Variants in MGRN1 observed in about 807,000 individuals in gnomAD.
MGRN1 encodes the protein mahogunin ring finger 1.
MGRN1 carries 29 observed loss-of-function variants against 69.2 expected under a neutral mutation model. That is an observed-to-expected ratio of 0.42 (90% CI 0.31 to 0.57). The LOEUF (loss-of-function observed/expected upper bound fraction) is 0.57, where lower values mean the gene tolerates loss of function less well. Among genes scored for constraint, MGRN1 ranks in the 20% least tolerant of loss-of-function variants. The probability of loss-of-function intolerance (pLI) is 0.15; values close to 1 mark genes in which losing one functional copy is unlikely to be tolerated. For synonymous variants in MGRN1, 470 were observed against 344.2 expected, an observed-to-expected ratio of 1.37 and a Z score of -4.04; for missense variants, 998 against 796.2, an observed-to-expected ratio of 1.25 and a Z score of -3.05.
At chr16:4,656,403 G>A (rs553072161) in intron 4 of MGRN1, among the ~76,000 whole-genome samples, 15 of 152,348 alleles carry the variant, frequency 9.8e-5, no homozygotes, top group African/African-American at 2.9e-4. Flanking sequence ...CAGTGTTGAC[G>A]CCTACCCCGT....
chr16:4,656,257 T>A lies in MGRN1; in HGVS notation c.444-989T>A, dbSNP rs533089842. 3.3e-5 allele frequency among the ~76,000 whole-genome samples: 5 copies of A among 152,302 alleles called. No individual in the cohort carries two copies. In the East Asian group the frequency reaches 9.7e-4, roughly 29 times the overall value. The stretch of plus-strand genomic sequence containing the variant: ...TGCAGAAGGGCGGTCCTTGAAGCAG[T>A]GTTGGGAAAAGTGAGATGTTGGTGA... On this transcript the variant is annotated intron_variant, in intron 4 of 16. Coordinates refer to ENST00000262370, the MANE Select transcript of MGRN1 (RefSeq NM_015246.4).
chr16:4,656,464 T>C (rs1319928951), intron 4 of MGRN1, among the ~76,000 whole-genome samples: 1 of 152,242 alleles, frequency 6.6e-6, no homozygotes, highest in Non-Finnish European at 1.5e-5. Flanking sequence ...CCATTGTGCC[T>C]CCGCCTTCCG....
intron 16 of MGRN1, chr16:4,687,543 C>T (rs1204095614): frequency 3.1e-6 from 3 of 976,372 alleles, no homozygotes; most frequent in African/African-American, 1.8e-5. Context: ...CACCCACCCA[C>T]TCCAGCCTGA....
intron 1 of MGRN1, among the ~76,000 whole-genome samples, chr16:4,631,582 A>C (rs896579338): frequency 3.3e-5 from 5 of 152,226 alleles, no homozygotes; most frequent in African/African-American, 1.2e-4. Flanking sequence ...GCTTAGACTG[A>C]GAAATCCTGG....
intron 10 of MGRN1, among the ~76,000 whole-genome samples, chr16:4,675,130 G>A (rs1039655060): frequency 2.0e-5 from 3 of 151,932 alleles, no homozygotes; most frequent in Non-Finnish European, 4.4e-5. Flanking sequence ...GTGCCACCAT[G>A]CCCGGCTATT....
chr16:4,686,930 C>T lies in MGRN1; in HGVS notation c.1619-1866C>T, dbSNP rs574400465. On this transcript the variant is annotated intron_variant, in intron 16 of 16. Coordinates refer to ENST00000262370, the MANE Select transcript of MGRN1 (RefSeq NM_015246.4). ...CAGTCCCTGTCTCTTGGAGGGAGTC[C>T]GTCCTCGAGGGGCCCTCTGGTGCCC... 105 of 985,476 alleles carry T rather than the reference C, an allele frequency of 1.1e-4. No individual in the cohort carries two copies. The South Asian group carries it at 1.5e-3, about 14-fold the overall frequency. The allele number at this position is 985,476 out of a possible 1,614,324, so 61.0% of individuals were successfully genotyped here.
At chr16:4,676,732 C>T (rs1186192504) in intron 10 of MGRN1, among the ~76,000 whole-genome samples, 1 of 152,170 alleles carries the variant, frequency 6.6e-6, no homozygotes, top group African/African-American at 2.4e-5. Context: ...TCTACAGCAG[C>T]CTGTGGGGCC....
At position 4,681,684 on chromosome 16, in the gene MGRN1, C is replaced by T. The variant is rs1347770482; in HGVS notation, c.1266C>T (p.Gly422=). ...TCACCTATTCAGGCATCTCGGACGG[C>T]CTGTCCCAGGCCAGCTGTCCCCTCG... ...EEITYSGISD[G]LSQASCPLAA... The change falls in exon 13 of 17, where the codon GGC becomes GGT. Residue 422 remains glycine (G), a synonymous_variant. Coordinates refer to ENST00000262370, the MANE Select transcript of MGRN1 (RefSeq NM_015246.4). The T allele has an allele frequency of 1.2e-6, 2 of 1,613,336 alleles. No individual in the cohort carries two copies. The highest frequency in any genetic ancestry group is 2.7e-5 in the African/African-American group (2 of 74,958).
rs953672901 is a variant in MGRN1, at chr16:4,687,029, C to T, written c.1619-1767C>T. On this transcript the variant is annotated intron_variant, in intron 16 of 16. Coordinates refer to ENST00000262370, the MANE Select transcript of MGRN1 (RefSeq NM_015246.4). The stretch of plus-strand genomic sequence containing the variant: ...CACCTGCTCCCCCGCTCCCTCCTTC[C>T]CTTGTCAGCATGGCCACCGTGGGCC... 1.0e-5 allele frequency: 10 copies of T among 985,614 alleles called. No individual in the cohort carries two copies. The African/African-American group carries it at 1.7e-4, about 17-fold the overall frequency. The allele number at this position is 985,614 out of a possible 1,614,324, so 61.1% of individuals were successfully genotyped here.
chr16:4,630,804 A>C (rs1187127523), intron 1 of MGRN1, among the ~76,000 whole-genome samples: 3 of 145,848 alleles, frequency 2.1e-5, no homozygotes, highest in African/African-American at 7.7e-5. Flanking sequence ...ATTTAGAGTT[A>C]ATTCTTTTTT....
chr16:4,646,565 A>G (rs946253723), intron 1 of MGRN1, among the ~76,000 whole-genome samples: 1 of 152,006 alleles, frequency 6.6e-6, no homozygotes, highest in Non-Finnish European at 1.5e-5. Context: ...GGACCTCTCC[A>G]TGGGGCTGCT....
chr16:4,679,834 A>G (rs1453129140), intron 11 of MGRN1, among the ~76,000 whole-genome samples, 198 bp from the exon 12 acceptor site: 1 of 152,000 alleles, frequency 6.6e-6, no homozygotes, highest in East Asian at 1.9e-4. Flanking sequence ...AGCTCCCGGG[A>G]GCTGCCGAGA....
At chr16:4,669,567 C>A (rs997806938) in intron 8 of MGRN1, among the ~76,000 whole-genome samples, 1 of 152,116 alleles carries the variant, frequency 6.6e-6, no homozygotes, top group East Asian at 1.9e-4. Flanking sequence ...CCTGCAGGCC[C>A]TGAGTTCTGT....
intron 1 of MGRN1, among the ~76,000 whole-genome samples, chr16:4,636,416 C>T (rs987286677): frequency 2.0e-5 from 3 of 152,242 alleles, no homozygotes; most frequent in Admixed American, 2.0e-4. Context: ...TGCTGTGGGA[C>T]CTTCCAGCGT....
chr16:4,630,763 G>GT (rs1215231066), intron 1 of MGRN1, among the ~76,000 whole-genome samples: 5 of 144,574 alleles, frequency 3.5e-5, no homozygotes, highest in Admixed American at 6.9e-5. Flanking sequence ...AAGTTTTATA[G>GT]TTTTAGCTCT....
At chr16:4,658,537 G>GAA (rs559417564) in intron 5 of MGRN1, among the ~76,000 whole-genome samples, 4 of 115,786 alleles carry the variant, frequency 3.5e-5, no homozygotes, top group African/African-American at 1.1e-4. Context: ...TTCCGTCTCA[G>GAA]AAAAAAAAAA....
chr16:4,682,927 G>C lies in MGRN1; in HGVS notation c.1463G>C (p.Arg488Pro). 4 of 1,595,922 alleles carry C rather than the reference G, an allele frequency of 2.5e-6. No individual in the cohort carries two copies. The highest frequency in any genetic ancestry group is 1.7e-5 in the Admixed American group (1 of 58,196). The stretch of plus-strand genomic sequence containing the variant: ...CTGGGTGGCGCAGAGCTGGCCCTGC[G>C]GGAAAGCAGCTCCCCTGAGGTGAGG... ...PPLGGAELAL[R>P]ESSSPESFIT... Residue 488 changes from arginine to proline, a missense_variant, in exon 14 of 17, where the codon CGG (arginine) becomes CCG (proline). Coordinates refer to ENST00000262370, the MANE Select transcript of MGRN1 (RefSeq NM_015246.4).
chr16:4,632,420 G>A (rs546155343), intron 1 of MGRN1, among the ~76,000 whole-genome samples: 2 of 151,422 alleles, frequency 1.3e-5, no homozygotes, highest in East Asian at 3.9e-4. Flanking sequence ...TTGAGACGGA[G>A]TCTTGCTCTG....
chr16:4,661,799 G>C (rs2078688076), intron 5 of MGRN1, among the ~76,000 whole-genome samples: 1 of 152,268 alleles, frequency 6.6e-6, no homozygotes, highest in Non-Finnish European at 1.5e-5. Flanking sequence ...GCGGGGCCTA[G>C]GTCCGTGTGG....
Sources: gnomAD v4.1 joint callset for allele counts (sites outside exome capture counted in the v4.1 genomes callset) on GRCh38, gnomAD v4.1.1 for gene constraint, MANE v1.5 for transcripts, NCBI Gene and HGNC (gene_info 2026-07-23, HGNC 2026-07-21) for gene names.